FBXL17: variants seen among roughly 807,000 people sequenced by gnomAD.
The protein encoded by FBXL17 is F-box/LRR-repeat protein 17.
FBXL17 carries 22 observed loss-of-function variants against 66.2 expected under a neutral mutation model. The ratio of observed to expected loss-of-function variants is 0.33; its 90% CI spans 0.24 to 0.47. The LOEUF (loss-of-function observed/expected upper bound fraction) is 0.47, where lower values mean the gene tolerates loss of function less well. Ranked by LOEUF, FBXL17 falls within the 20% of genes least tolerant of loss-of-function variation. The pLI, the probability that FBXL17 is intolerant of heterozygous loss-of-function variation, is 1.00. For missense variants in FBXL17, 878 were observed against 948.2 expected (o/e 0.93, Z 0.97); for synonymous variants, 474 against 400.5 (o/e 1.18, Z -2.19).
At chr5:107,959,024 T>A (rs1751785120) in intron 7 of FBXL17, among the ~76,000 whole-genome samples, 1 of 152,184 alleles carries the variant, frequency 6.6e-6, no homozygotes, top group Non-Finnish European at 1.5e-5. Flanking sequence ...AGGAAGTGAC[T>A]TGAATCATGT....
chr5:107,902,144 T>C (rs1474891509), intron 7 of FBXL17, among the ~76,000 whole-genome samples: 2 of 152,200 alleles, frequency 1.3e-5, no homozygotes, highest in Non-Finnish European at 2.9e-5. Context: ...GTTCTAATTG[T>C]TTCCGTACTA....
chr5:108,245,634 C>T (rs546925871), intron 4 of FBXL17, among the ~76,000 whole-genome samples: 1 of 152,286 alleles, frequency 6.6e-6, no homozygotes, highest in East Asian at 1.9e-4. Context: ...CACCATCCAT[C>T]GTAACTCAGT....
intron 4 of FBXL17, among the ~76,000 whole-genome samples, chr5:108,233,364 A>T (rs1257831238): frequency 6.6e-6 from 1 of 152,186 alleles, no homozygotes; most frequent in Non-Finnish European, 1.5e-5. Flanking sequence ...GATACACTAT[A>T]GAGGAATTTT....
chr5:108,218,023 T>C (rs888971758), intron 5 of FBXL17, among the ~76,000 whole-genome samples: 14 of 146,874 alleles, frequency 9.5e-5, no homozygotes, highest in Admixed American at 2.0e-4. Flanking sequence ...TTTCTTTTTT[T>C]TTTTTTTTTT....
intron 6 of FBXL17, among the ~76,000 whole-genome samples, chr5:108,131,979 CTTTT>C (rs35305637): frequency 1.4e-5 from 2 of 143,162 alleles, no homozygotes; most frequent in Non-Finnish European, 1.5e-5. Context: ...GAAGAAAGTC[CTTTT>C]TTTTTTTTTT....
intron 6 of FBXL17, among the ~76,000 whole-genome samples, chr5:108,096,313 T>C (rs146142858): frequency 1.1e-3 from 171 of 152,294 alleles, no homozygotes; most frequent in Non-Finnish European, 2.2e-3. Flanking sequence ...GAAAATATAG[T>C]GTTTTTCAGA....
intron 4 of FBXL17, chr5:108,297,655 A>C: frequency 4.8e-6 from 1 of 209,640 alleles, no homozygotes; most frequent in Non-Finnish European, 8.3e-6. Context: ...AGACTGCTAA[A>C]ATTGTTTTTT....
At chr5:107,904,413 A>G (rs1334167769) in intron 7 of FBXL17, among the ~76,000 whole-genome samples, 2 of 152,140 alleles carry the variant, frequency 1.3e-5, no homozygotes, top group Non-Finnish European at 2.9e-5. Context: ...ATCTCTCCCC[A>G]GTCAACGACC....
At chr5:108,113,259 T>C (rs940720227) in intron 6 of FBXL17, among the ~76,000 whole-genome samples, 2 of 152,086 alleles carry the variant, frequency 1.3e-5, no homozygotes, top group Non-Finnish European at 2.9e-5. Context: ...TAGATCTCAG[T>C]CTCTTTATTT....
intron 4 of FBXL17, among the ~76,000 whole-genome samples, chr5:108,337,255 CAAAA>C (rs1222260145): frequency 1.5e-5 from 1 of 68,534 alleles, no homozygotes; most frequent in Non-Finnish European, 3.0e-5. Flanking sequence ...GACTCCATCT[CAAAA>C]AAAAAAAAAA....
At chr5:108,228,183 G>A (rs1459976293) in intron 4 of FBXL17, among the ~76,000 whole-genome samples, 2 of 152,216 alleles carry the variant, frequency 1.3e-5, no homozygotes. Flanking sequence ...AGACAAGATT[G>A]TGTCATGGGG....
intron 4 of FBXL17, among the ~76,000 whole-genome samples, chr5:108,295,040 GTTAT>G (rs1425859829): frequency 6.6e-6 from 1 of 151,894 alleles, no homozygotes; most frequent in Non-Finnish European, 1.5e-5. Context: ...TTGGTTAGTA[GTTAT>G]TTAGAGTGAC....
At chr5:108,182,230 A>C (rs1211952614) in intron 6 of FBXL17, among the ~76,000 whole-genome samples, 1 of 152,200 alleles carries the variant, frequency 6.6e-6, no homozygotes, top group Non-Finnish European at 1.5e-5. Flanking sequence ...GAGGATAATA[A>C]TAATGAACGA....
At chr5:108,345,930 G>C (rs1747248632) in intron 4 of FBXL17, among the ~76,000 whole-genome samples, 1 of 152,016 alleles carries the variant, frequency 6.6e-6, no homozygotes, top group Admixed American at 6.6e-5. Context: ...AGTTTATTAA[G>C]AGAATTAGCA....
At chr5:108,297,922 C>G in intron 4 of FBXL17, 1 of 966,830 alleles carries the variant, frequency 1.0e-6, no homozygotes, top group Admixed American at 6.2e-5. Context: ...CATATATCTT[C>G]AAAAATTTAC....
chr5:108,095,353 CT>C (rs1304901726), intron 6 of FBXL17, among the ~76,000 whole-genome samples: 2 of 151,896 alleles, frequency 1.3e-5, no homozygotes, highest in Admixed American at 6.6e-5. Context: ...TTTATTTAAC[CT>C]TTACCATACA....
intron 5 of FBXL17, among the ~76,000 whole-genome samples, chr5:108,202,800 G>A (rs1753951382): frequency 6.6e-6 from 1 of 152,090 alleles, no homozygotes; most frequent in Admixed American, 6.6e-5. Context: ...TTGACTGCAG[G>A]TAACTGACAC....
chr5:107,939,478 T>C (rs985167458), intron 7 of FBXL17, among the ~76,000 whole-genome samples: 1 of 152,056 alleles, frequency 6.6e-6, no homozygotes, highest in African/African-American at 2.4e-5. Context: ...GGGAGGAGTA[T>C]GCAGATCTGC....
chr5:108,206,018 TCA>T (rs1561463800), intron 5 of FBXL17, among the ~76,000 whole-genome samples: 1 of 152,180 alleles, frequency 6.6e-6, no homozygotes, highest in South Asian at 2.1e-4. Flanking sequence ...CTAAGATTGA[TCA>T]GTGAGTTAAA....
Sources: gnomAD v4.1 joint callset for allele counts (sites outside exome capture counted in the v4.1 genomes callset) on GRCh38, gnomAD v4.1.1 for gene constraint, MANE v1.5 for transcripts, NCBI Gene and HGNC (gene_info 2026-07-23, HGNC 2026-07-21) for gene names.